Variants in CNTNAP2 observed in about 807,000 individuals in gnomAD.
CNTNAP2 encodes contactin associated protein 2.
A neutral mutation model predicts 155.2 loss-of-function variants in CNTNAP2; 98 were observed. That is an observed-to-expected ratio of 0.63 (90% CI 0.54 to 0.75). The LOEUF (loss-of-function observed/expected upper bound fraction) is 0.75, where lower values mean the gene tolerates loss of function less well. CNTNAP2 is among the 30% of genes least tolerant of loss of function. CNTNAP2 has a pLI of 0.00. For missense variants in CNTNAP2, 1,727 were observed against 1,688.1 expected, an observed-to-expected ratio of 1.02 and a Z score of -0.40; for synonymous variants, 651 against 631.2, an observed-to-expected ratio of 1.03 and a Z score of -0.47.
chr7:146,422,218 A>G (rs1220902169), intron 1 of CNTNAP2, among the ~76,000 whole-genome samples: 4 of 151,278 alleles, frequency 2.6e-5, no homozygotes, highest in Non-Finnish European at 5.9e-5. Flanking sequence ...GTACCTATGG[A>G]GGTTACTTTA....
chr7:147,255,736 A>T (rs1406638557), intron 8 of CNTNAP2, among the ~76,000 whole-genome samples: 1 of 151,812 alleles, frequency 6.6e-6, no homozygotes, highest in Non-Finnish European at 1.5e-5. Flanking sequence ...TTTTATTTCT[A>T]TGTTTGTTTG....
intron 3 of CNTNAP2, among the ~76,000 whole-genome samples, chr7:146,937,816 G>A (rs1796955008): frequency 6.6e-6 from 1 of 152,210 alleles, no homozygotes; most frequent in South Asian, 2.1e-4. Flanking sequence ...TTTGAAGACA[G>A]CCACTCAGGA....
chr7:146,438,674 T>C (rs1354397130), intron 1 of CNTNAP2, among the ~76,000 whole-genome samples: 3 of 151,606 alleles, frequency 2.0e-5, no homozygotes, highest in Non-Finnish European at 4.4e-5. Flanking sequence ...AATTTAGTTG[T>C]TCTTTCCTGG....
chr7:147,780,718 T>C (rs1797649435), intron 13 of CNTNAP2, among the ~76,000 whole-genome samples: 1 of 152,210 alleles, frequency 6.6e-6, no homozygotes. Flanking sequence ...GACGCTTTTC[T>C]TCACTCCTCT....
intron 18 of CNTNAP2, among the ~76,000 whole-genome samples, chr7:148,202,864 C>G (rs1185915324): frequency 6.6e-6 from 1 of 152,218 alleles, no homozygotes; most frequent in African/African-American, 2.4e-5. Flanking sequence ...AGTCATACAA[C>G]AAACGCGTGG....
At chr7:147,441,944 C>T (rs1797648395) in intron 10 of CNTNAP2, among the ~76,000 whole-genome samples, 1 of 147,808 alleles carries the variant, frequency 6.8e-6, no homozygotes, top group South Asian at 2.3e-4. Flanking sequence ...CCTATGGCAA[C>T]CACCACTAGG....
At chr7:147,416,823 G>T (rs1014707843) in intron 10 of CNTNAP2, among the ~76,000 whole-genome samples, 3 of 152,126 alleles carry the variant, frequency 2.0e-5, no homozygotes, top group African/African-American at 7.2e-5. Flanking sequence ...GCCGTGTGCA[G>T]TGGCTCAGTA....
chr7:148,052,851 A>G (rs1802920066), intron 15 of CNTNAP2, among the ~76,000 whole-genome samples: 1 of 152,236 alleles, frequency 6.6e-6, no homozygotes, highest in African/African-American at 2.4e-5. Context: ...GTTTGAGACC[A>G]GGCTGGCCAA....
intron 13 of CNTNAP2, among the ~76,000 whole-genome samples, chr7:147,791,230 C>T (rs1797813688): frequency 6.6e-6 from 1 of 151,972 alleles, no homozygotes; most frequent in South Asian, 2.1e-4. Context: ...TGCTGATTTT[C>T]ATTTCTGTGT....
chr7:146,250,519 T>G (rs802520), intron 1 of CNTNAP2, among the ~76,000 whole-genome samples: 23,828 of 152,168 alleles, frequency 0.16, 4,283 homozygotes, highest in African/African-American at 0.45. Flanking sequence ...AGCACAGGGC[T>G]TTCACTCTCT....
At chr7:146,321,637 C>T (rs563447237) in intron 1 of CNTNAP2, among the ~76,000 whole-genome samples, 1 of 152,276 alleles carries the variant, frequency 6.6e-6, no homozygotes, top group Admixed American at 6.5e-5. Flanking sequence ...GACTTAACCT[C>T]AGTGTGATTT....
intron 1 of CNTNAP2, among the ~76,000 whole-genome samples, chr7:146,591,398 G>T (rs1403821204): frequency 1.3e-5 from 2 of 151,112 alleles, no homozygotes; most frequent in South Asian, 4.2e-4. Flanking sequence ...CAAAATGGGT[G>T]GTAAATGTGG....
At chr7:147,633,158 G>A (rs28858396) in intron 12 of CNTNAP2, among the ~76,000 whole-genome samples, 13,694 of 152,252 alleles carry the variant, frequency 0.09, 1,712 homozygotes, top group African/African-American at 0.26. Context: ...CTGCTTCAGC[G>A]CCAGCCTTGG....
chr7:146,282,585 A>G (rs1800268495), intron 1 of CNTNAP2, among the ~76,000 whole-genome samples: 1 of 152,230 alleles, frequency 6.6e-6, no homozygotes, highest in Admixed American at 6.5e-5. Flanking sequence ...ATTATGTCCT[A>G]GAGTAACATA....
intron 17 of CNTNAP2, among the ~76,000 whole-genome samples, chr7:148,160,169 G>A (rs192097941): frequency 6.6e-5 from 10 of 152,254 alleles, no homozygotes; most frequent in Admixed American, 1.3e-4. Flanking sequence ...GAGCCCAGGA[G>A]GTCTAGGCTG....
chr7:148,285,932 A>G (rs977929500), intron 21 of CNTNAP2, among the ~76,000 whole-genome samples: 1 of 152,210 alleles, frequency 6.6e-6, no homozygotes, highest in Admixed American at 6.5e-5. Flanking sequence ...CCTTACTGAT[A>G]ACATGAACAG....
chr7:148,276,183 TG>T (rs1796867775), intron 21 of CNTNAP2, among the ~76,000 whole-genome samples: 2 of 152,156 alleles, frequency 1.3e-5, no homozygotes, highest in Non-Finnish European at 2.9e-5. Flanking sequence ...ACTACGCAGT[TG>T]TATGATCACC....
intron 8 of CNTNAP2, among the ~76,000 whole-genome samples, chr7:147,294,501 C>T (rs1016076610): frequency 3.3e-5 from 5 of 152,110 alleles, no homozygotes; most frequent in Non-Finnish European, 5.9e-5. Flanking sequence ...GCCTCAAATT[C>T]CCATTAACAA....
intron 8 of CNTNAP2, among the ~76,000 whole-genome samples, chr7:147,262,919 A>G (rs1804524475): frequency 6.6e-6 from 1 of 152,192 alleles, no homozygotes; most frequent in Non-Finnish European, 1.5e-5. Flanking sequence ...GTTATGGGGA[A>G]ATAAATATCT....
Sources: allele counts gnomAD v4.1 joint callset (sites outside exome capture counted in the v4.1 genomes callset), GRCh38; gene constraint gnomAD v4.1.1; transcripts MANE v1.5; gene names NCBI Gene and HGNC (gene_info 2026-07-23, HGNC 2026-07-21).